ULK4: variants seen among roughly 807,000 people sequenced by gnomAD.
ULK4 encodes the protein inactive serine/threonine-protein kinase ULK4.
Under a neutral mutation model 160.6 loss-of-function variants are expected in ULK4, and 133 were observed. That is an observed-to-expected ratio of 0.83 (90% CI 0.72 to 0.96). ULK4 has a LOEUF of 0.96. ULK4 is among the 40% of genes least tolerant of loss of function. The pLI is 0.00. For missense variants in ULK4, 1,580 were observed against 1,499.5 expected (o/e 1.05, Z -0.89); for synonymous variants, 534 against 539.8 (o/e 0.99, Z 0.15).
At chr3:41,958,808 C>T (rs79467225) in intron 1 of ULK4, among the ~76,000 whole-genome samples, 1 of 152,024 alleles carries the variant, frequency 6.6e-6, no homozygotes, top group East Asian at 1.9e-4. Context: ...AAAATGTTAG[C>T]GGGTAAACAT....
chr3:41,753,877 G>A (rs1385417050), intron 22 of ULK4, among the ~76,000 whole-genome samples: 1 of 152,176 alleles, frequency 6.6e-6, no homozygotes, highest in East Asian at 1.9e-4. Context: ...GAGGCCTCAG[G>A]AAACTTACAA....
chr3:41,536,227 C>T (rs2086494426), intron 32 of ULK4, among the ~76,000 whole-genome samples: 2 of 152,128 alleles, frequency 1.3e-5, no homozygotes, highest in Middle Eastern at 3.4e-3. Context: ...TGCTTTGTAT[C>T]CTCTGCAGGA....
At chr3:41,661,704 A>C (rs371755920) in intron 30 of ULK4, among the ~76,000 whole-genome samples, 29 of 152,208 alleles carry the variant, frequency 1.9e-4, no homozygotes, top group African/African-American at 6.8e-4. Context: ...TTTTATTGTT[A>C]GAATTTAAGG....
Position 41,876,803 on chromosome 3 carries a change from C to T in ULK4, c.1656+7071G>A, listed in dbSNP as rs959130970. On this transcript the variant is annotated intron_variant, in intron 17 of 36. Transcript: ENST00000301831. ...CTCAATTTAAACAAAATTCAAAAGC[C>T]GGCAAAATCATGACAGAATTGGAAG... 3.3e-5 allele frequency among the ~76,000 whole-genome samples: 5 copies of T among 152,010 alleles called. No homozygotes were observed. The East Asian group carries it at 5.8e-4, about 18-fold the overall frequency.
intron 27 of ULK4, among the ~76,000 whole-genome samples, chr3:41,700,598 T>C (rs947496878): frequency 2.6e-5 from 4 of 152,090 alleles, no homozygotes; most frequent in African/African-American, 9.7e-5. Flanking sequence ...GAAGGAAACA[T>C]GCTATGGAGG....
rs977833628 is a variant in ULK4, at chr3:41,381,163, G to A, written c.3678+16916C>T. On this transcript the variant is annotated intron_variant, in intron 35 of 36. Transcript: ENST00000301831. Reference sequence around the variant, plus strand: ...CAGTGTCTTCAACACCACCTTTATCGAGTGCTTGGTCATTTCAAAGTCCAT... The same window carrying A: ...CAGTGTCTTCAACACCACCTTTATCAAGTGCTTGGTCATTTCAAAGTCCAT... 7.9e-5 allele frequency among the ~76,000 whole-genome samples: 12 copies of A among 152,092 alleles called. 1 individual carries two copies. The highest frequency in any genetic ancestry group is 3.3e-4 in the Admixed American group (5 of 15,254).
At chr3:41,318,706 C>T (rs1373696383) in intron 35 of ULK4, among the ~76,000 whole-genome samples, 2 of 152,090 alleles carry the variant, frequency 1.3e-5, no homozygotes, top group African/African-American at 2.4e-5. Context: ...TGAGTCATCC[C>T]GGAGTGACAG....
intron 18 of ULK4, among the ~76,000 whole-genome samples, chr3:41,828,286 A>G (rs2041441387): frequency 6.9e-6 from 1 of 145,878 alleles, no homozygotes; most frequent in Non-Finnish European, 1.5e-5. Flanking sequence ...ATAGTGTTGG[A>G]AATTCTGGCC....
intron 21 of ULK4, among the ~76,000 whole-genome samples, chr3:41,775,681 G>A (rs926226382): frequency 2.7e-5 from 4 of 150,622 alleles, no homozygotes; most frequent in African/African-American, 1.0e-4. Flanking sequence ...TTACAGGCAT[G>A]AGCCACCGCG....
At chr3:41,328,146 T>C (rs1409751938) in intron 35 of ULK4, among the ~76,000 whole-genome samples, 3 of 152,168 alleles carry the variant, frequency 2.0e-5, no homozygotes, top group East Asian at 1.9e-4. Flanking sequence ...TGCAGGGTTC[T>C]ACAGTGAAAG....
intron 21 of ULK4, among the ~76,000 whole-genome samples, chr3:41,770,400 G>A (rs556357032): frequency 6.6e-6 from 1 of 151,928 alleles, no homozygotes; most frequent in Non-Finnish European, 1.5e-5. Flanking sequence ...CTGTAGGGCG[G>A]TAACCACTTG....
At chr3:41,688,434 T>TA (rs779656596) in intron 27 of ULK4, among the ~76,000 whole-genome samples, 1 of 152,198 alleles carries the variant, frequency 6.6e-6, no homozygotes, top group East Asian at 1.9e-4. Flanking sequence ...CAAAGGTACT[T>TA]ACTAAGAATA....
intron 18 of ULK4, among the ~76,000 whole-genome samples, chr3:41,824,209 A>G (rs534815027): frequency 2.6e-5 from 4 of 151,462 alleles, no homozygotes; most frequent in Admixed American, 1.3e-4. Context: ...CCAAATAGGA[A>G]CAGCTCCAGT....
At chr3:41,798,742 C>A (rs990696880) in intron 20 of ULK4, among the ~76,000 whole-genome samples, 9 of 149,690 alleles carry the variant, frequency 6.0e-5, no homozygotes, top group East Asian at 2.0e-4. Context: ...CAAGATTGTG[C>A]GTGTTGTTGA....
chr3:41,365,808 A>G (rs2081242937), intron 35 of ULK4, among the ~76,000 whole-genome samples: 1 of 152,112 alleles, frequency 6.6e-6, no homozygotes, highest in Admixed American at 6.5e-5. Context: ...ACCTACCCCA[A>G]TGGAAAGACA....
chr3:41,569,895 G>A (rs2087911752), intron 31 of ULK4, among the ~76,000 whole-genome samples: 1 of 152,084 alleles, frequency 6.6e-6, no homozygotes, highest in African/African-American at 2.4e-5. Flanking sequence ...AATGACACTA[G>A]TGATGAAAAT....
At chr3:41,299,396 T>C (rs963198056) in intron 35 of ULK4, among the ~76,000 whole-genome samples, 2 of 152,136 alleles carry the variant, frequency 1.3e-5, no homozygotes, top group African/African-American at 4.8e-5. Flanking sequence ...CAACTTTCCT[T>C]ATAACTTGCA....
At chr3:41,478,406 A>T (rs1410810382) in intron 32 of ULK4, among the ~76,000 whole-genome samples, 1 of 152,240 alleles carries the variant, frequency 6.6e-6, no homozygotes, top group African/African-American at 2.4e-5. Flanking sequence ...TTTCCTAAGA[A>T]AATTTTGCAT....
intron 21 of ULK4, among the ~76,000 whole-genome samples, chr3:41,763,498 T>C (rs2039057486): frequency 6.6e-6 from 1 of 152,214 alleles, no homozygotes; most frequent in Non-Finnish European, 1.5e-5. Flanking sequence ...CTGGCTTCCA[T>C]ATAATGGAGT....
Sources: allele counts gnomAD v4.1 joint callset (sites outside exome capture counted in the v4.1 genomes callset), GRCh38; gene constraint gnomAD v4.1.1; transcripts MANE v1.5; gene names NCBI Gene and HGNC (gene_info 2026-07-23, HGNC 2026-07-21).